DUSP11: variants seen among roughly 807,000 people sequenced by gnomAD.
DUSP11 encodes the protein RNA/RNP complex-1-interacting phosphatase.
Under a neutral mutation model 41.4 loss-of-function variants are expected in DUSP11, and 27 were observed. The observed-to-expected ratio is 0.65, with a 90% CI of 0.48 to 0.90. The LOEUF (loss-of-function observed/expected upper bound fraction) is 0.90, where lower values mean the gene tolerates loss of function less well. DUSP11 is among the 40% of genes least tolerant of loss of function. DUSP11 has a pLI of 0.00. For missense variants in DUSP11, 465 were observed against 461.1 expected, an observed-to-expected ratio of 1.01 and a Z score of -0.08; for synonymous variants, 188 against 159.3, an observed-to-expected ratio of 1.18 and a Z score of -1.35.
At chr2:73,765,711 G>C (rs968194888) in intron 8 of DUSP11, among the ~76,000 whole-genome samples, 3 of 152,108 alleles carry the variant, frequency 2.0e-5, no homozygotes, top group African/African-American at 7.2e-5. Context: ...CGTTTTATCT[G>C]TTCAGATCCT....
chr2:73,768,503 T>A, intron 5 of DUSP11: 1 of 985,418 alleles, frequency 1.0e-6, no homozygotes, highest in Non-Finnish European at 1.2e-6. Context: ...TACTATTTGA[T>A]TAAGAAATTC....
intron 1 of DUSP11, 90 bp from the exon 2 acceptor site, chr2:73,778,466 C>G: frequency 1.3e-6 from 1 of 752,836 alleles, no homozygotes; most frequent in Non-Finnish European, 2.0e-6. Flanking sequence ...AATCATAGCC[C>G]GCACAACATG....
chr2:73,773,302 T>C (rs1344585684), intron 4 of DUSP11: 3 of 158,686 alleles, frequency 1.9e-5, no homozygotes, highest in Non-Finnish European at 4.2e-5. Flanking sequence ...TTAGGGTACA[T>C]GTGCACAACG....
exon 1 of DUSP11, chr2:73,780,059 A>G (rs1316507210): frequency 3.7e-6 from 6 of 1,608,500 alleles, no homozygotes; most frequent in East Asian, 4.5e-5. Context: ...AAGACCCTAA[A>G]CAGGAAAAGA....
chr2:73,765,768 T>C (rs1001353406), intron 8 of DUSP11, among the ~76,000 whole-genome samples: 4 of 152,344 alleles, frequency 2.6e-5, no homozygotes, highest in Middle Eastern at 6.8e-3. Flanking sequence ...ATAATTCATA[T>C]CAACTCCTTA....
exon 1 of DUSP11, chr2:73,780,086 G>A (rs958073326): frequency 5.1e-6 from 8 of 1,579,624 alleles, no homozygotes; most frequent in South Asian, 1.1e-5. Context: ...AGCCACCTAC[G>A]CCGCGCTCCA....
chr2:73,773,794 A>G lies in DUSP11; in HGVS notation c.574+6T>C. The G allele has an allele frequency of 5.0e-6, 8 of 1,602,600 alleles. No individual in the cohort carries two copies. The highest frequency in any genetic ancestry group is 6.8e-6 in the Non-Finnish European group (8 of 1,173,958). On this transcript the variant is annotated splice_donor_region_variant and intron_variant, in intron 4 of 8. Coordinates refer to ENST00000272444, the Ensembl canonical transcript of DUSP11. The stretch of plus-strand genomic sequence containing the variant: ...CACCACAGTTCAGGTAAGAACAAAA[A>G]CTCACCATTATCTTTATTTTCTTTC...
intron 2 of DUSP11, among the ~76,000 whole-genome samples, chr2:73,775,356 T>C (rs980908897): frequency 2.6e-5 from 4 of 151,260 alleles, no homozygotes; most frequent in Non-Finnish European, 5.9e-5. Flanking sequence ...TTAGTGCTTA[T>C]AAATATTTCT....
intron 4 of DUSP11, 99 bp downstream of exon 4, chr2:73,773,701 A>T: frequency 8.1e-7 from 1 of 1,238,188 alleles, no homozygotes; most frequent in Non-Finnish European, 1.1e-6. Flanking sequence ...TAGCATCATT[A>T]AATACAACAG....
chr2:73,770,615 T>A (rs755244112), intron 4 of DUSP11, among the ~76,000 whole-genome samples: 2 of 152,142 alleles, frequency 1.3e-5, no homozygotes, highest in African/African-American at 2.4e-5. Context: ...TGATCCTCCA[T>A]ATGGCAGATG....
chr2:73,779,841 G>A, intron 1 of DUSP11, 33 bp downstream of exon 1: 1 of 1,610,222 alleles, frequency 6.2e-7, no homozygotes, highest in Non-Finnish European at 8.5e-7. Context: ...CCACGAGCTG[G>A]AAAGGCCACG....
intron 5 of DUSP11, chr2:73,767,497 C>T (rs543163060): frequency 3.9e-6 from 1 of 255,608 alleles, no homozygotes; most frequent in Admixed American, 5.1e-5. Context: ...TATCAAAATG[C>T]TTTATACACT....
At chr2:73,778,128 T>C (rs1672719301) in intron 2 of DUSP11, among the ~76,000 whole-genome samples, 173 bp downstream of exon 2, 1 of 152,140 alleles carries the variant, frequency 6.6e-6, no homozygotes, top group African/African-American at 2.4e-5. Flanking sequence ...GGTATTTTTG[T>C]TTAAAATATG....
chr2:73,765,513 G>A (rs1353715793), intron 8 of DUSP11, among the ~76,000 whole-genome samples: 1 of 152,080 alleles, frequency 6.6e-6, no homozygotes, highest in East Asian at 1.9e-4. Flanking sequence ...AAGTGCATAA[G>A]CTGATACCCC....
intron 5 of DUSP11, 25 bp downstream of exon 5, chr2:73,769,240 T>C: frequency 6.3e-7 from 1 of 1,598,836 alleles, no homozygotes; most frequent in Non-Finnish European, 8.6e-7. Context: ...TTTAAAATGG[T>C]CTGCCTCTGG....
chr2:73,773,875 G>C (rs1363705178), exon 4 of DUSP11: 2 of 1,604,248 alleles, frequency 1.2e-6, no homozygotes, highest in East Asian at 2.2e-5. Flanking sequence ...TCAGGCACTT[G>C]ATGTCCAACT....
At chr2:73,772,551 C>T (rs2103941138) in intron 4 of DUSP11, among the ~76,000 whole-genome samples, 1 of 152,280 alleles carries the variant, frequency 6.6e-6, no homozygotes, top group Admixed American at 6.5e-5. Flanking sequence ...TCATAAGGAC[C>T]TCCTAGCCCT....
intron 4 of DUSP11, chr2:73,773,516 C>A (rs1190584045): frequency 2.8e-6 from 1 of 356,372 alleles, no homozygotes; most frequent in African/African-American, 2.2e-5. Context: ...ATATAGAAGA[C>A]AAAAATAACA....
At chr2:73,766,937 AC>A (rs770070348) in intron 6 of DUSP11, 34 bp from the exon 7 acceptor site, 1 of 1,576,928 alleles carries the variant, frequency 6.3e-7, no homozygotes, top group South Asian at 1.1e-5. Flanking sequence ...AAATAACTGT[AC>A]AAAAAGCAGA....
Sources: allele counts gnomAD v4.1 joint callset (sites outside exome capture counted in the v4.1 genomes callset), GRCh38; gene constraint gnomAD v4.1.1; transcripts MANE v1.5; gene names NCBI Gene and HGNC (gene_info 2026-07-23, HGNC 2026-07-21).